The following PCDHGB3 variants were observed in gnomAD, a reference collection of about 807,000 sequenced individuals.
PCDHGB3 encodes the protein protocadherin gamma-B3.
A neutral mutation model predicts 59.2 loss-of-function variants in PCDHGB3; 40 were observed. The ratio of observed to expected loss-of-function variants is 0.68; its 90% CI spans 0.52 to 0.88. The LOEUF (loss-of-function observed/expected upper bound fraction) is 0.88, where lower values mean the gene tolerates loss of function less well. Among genes scored for constraint, PCDHGB3 ranks in the 40% least tolerant of loss-of-function variants. PCDHGB3 has a pLI of 0.00. For synonymous variants in PCDHGB3, 581 were observed against 503.6 expected, an observed-to-expected ratio of 1.15 and a Z score of -2.06; for missense variants, 1,309 against 1,187.9, an observed-to-expected ratio of 1.10 and a Z score of -1.50.
At chr5:141,374,838 C>G (rs772961429) in intron 1 of PCDHGB3, 7 of 1,613,846 alleles carry the variant, frequency 4.3e-6, no homozygotes, top group Non-Finnish European at 5.9e-6. Context: ...GTAAGTGTTC[C>G]TGAAAACCTG....
At chr5:141,376,251 G>T in intron 1 of PCDHGB3, 1 of 1,614,228 alleles carries the variant, frequency 6.2e-7, no homozygotes, top group Non-Finnish European at 8.5e-7. Context: ...CACAAGTCAC[G>T]CCTGCTGCAG....
intron 1 of PCDHGB3, among the ~76,000 whole-genome samples, chr5:141,492,782 C>T (rs2099743868): frequency 6.6e-6 from 1 of 152,258 alleles, no homozygotes; most frequent in Non-Finnish European, 1.5e-5. Context: ...GAGTGAGCCT[C>T]TATAGGACAG....
At chr5:141,386,334 G>A (rs1220929803) in intron 1 of PCDHGB3, among the ~76,000 whole-genome samples, 1 of 152,008 alleles carries the variant, frequency 6.6e-6, no homozygotes, top group Non-Finnish European at 1.5e-5. Context: ...ATCCAGAAGG[G>A]GTGGATGACA....
chr5:141,473,299 G>T (rs182316672), intron 1 of PCDHGB3, among the ~76,000 whole-genome samples: 5 of 152,228 alleles, frequency 3.3e-5, no homozygotes, highest in Admixed American at 1.3e-4. Flanking sequence ...GTAGCATAAA[G>T]ATTGCTATAT....
At position 141,403,421 on chromosome 5, in the gene PCDHGB3, G is replaced by A. The variant is rs773369451; in HGVS notation, c.2415+30612G>A. ...TGGAGCACGTTATCCACTTCCAGAA[G>A]CTATTGATCCGGATGTTGGCGTGAA... On this transcript the variant is annotated intron_variant, in intron 1 of 3. Coordinates refer to ENST00000576222, the MANE Select transcript of PCDHGB3 (RefSeq NM_018924.5). 11 of 1,614,038 alleles carry A rather than the reference G, an allele frequency of 6.8e-6. No individual in the cohort carries two copies. In the East Asian group the frequency reaches 2.5e-4, roughly 36 times the overall value.
rs772203261 is a variant in PCDHGB3 at position 141,372,469 on chromosome 5, T to C, written c.2075T>C (p.Leu692Pro). 1 of 1,614,020 alleles carries C rather than the reference T, an allele frequency of 6.2e-7. No homozygotes were observed. Among genetic ancestry groups the C allele is most frequent in the Non-Finnish European group, 8.5e-7 (1 of 1,179,894 alleles). The change falls in exon 1 of 4, where the codon CTA becomes CCA. Residue 692 changes from leucine (L) to proline (P), a missense_variant. Transcript: ENST00000576222. Reference protein sequence around the residue: ...SDPQAELQFHLVVALALISVL... With the variant: ...SDPQAELQFHPVVALALISVL... ...CCTCAGGCGGAGCTACAGTTTCACC[T>C]AGTAGTGGCGTTGGCCTTGATCTCA... is the stretch of plus-strand genomic sequence containing the variant.
chr5:141,490,736 A>G lies in PCDHGB3; in HGVS notation c.2416-4071A>G, dbSNP rs747567176. The G allele has an allele frequency of 5.0e-6, 8 of 1,614,084 alleles. No individual in the cohort carries two copies. Among genetic ancestry groups the G allele is most frequent in the Non-Finnish European group, 6.8e-6 (8 of 1,180,034 alleles). On this transcript the variant is annotated intron_variant, in intron 1 of 3. Transcript: ENST00000576222. This position sits in a 1 kb window ranked among gnomAD's most constrained non-coding sequence, Gnocchi z 5.4. The stretch of plus-strand genomic sequence containing the variant: ...TACTCCATTGTAGGAAATCAGGTTC[A>G]GGGAGCCCCAGCCTCCTCCTTTGTG...
chr5:141,465,950 A>G (rs570810183), intron 1 of PCDHGB3, among the ~76,000 whole-genome samples: 2 of 152,102 alleles, frequency 1.3e-5, no homozygotes, highest in African/African-American at 4.8e-5. Flanking sequence ...GTGAAACCCC[A>G]TCTCTACTAA....
chr5:141,421,834 C>A, intron 1 of PCDHGB3: 2 of 1,613,748 alleles, frequency 1.2e-6, no homozygotes. Flanking sequence ...AAGCCTGGAC[C>A]GAGAGAAAGA....
chr5:141,497,740 C>T (rs954595046), intron 2 of PCDHGB3, among the ~76,000 whole-genome samples: 1 of 152,054 alleles, frequency 6.6e-6, no homozygotes, highest in South Asian at 2.1e-4. Context: ...GGTTTCGCCA[C>T]GTTGGCCAGG....
At chr5:141,450,006 CTTTTTT>C (rs1554136305) in intron 1 of PCDHGB3, among the ~76,000 whole-genome samples, 7,115 of 132,964 alleles carry the variant, frequency 0.054, 434 homozygotes, top group African/African-American at 0.14. Flanking sequence ...TGCCATGTCT[CTTTTTT>C]TTTTTTTTTT....
chr5:141,457,806 G>A (rs1321207711), intron 1 of PCDHGB3, among the ~76,000 whole-genome samples: 1 of 152,150 alleles, frequency 6.6e-6, no homozygotes, highest in Non-Finnish European at 1.5e-5. Context: ...CTCCTCTTGA[G>A]GTCCCAAGAT....
Position 141,476,562 on chromosome 5 carries a change from C to G in PCDHGB3, c.2416-18245C>G. 1 of 1,614,218 alleles carries G rather than the reference C, an allele frequency of 6.2e-7. No individual in the cohort carries two copies. The highest frequency in any genetic ancestry group is 1.1e-5 in the South Asian group (1 of 91,088). On this transcript the variant is annotated intron_variant, in intron 1 of 3. Transcript: ENST00000576222. This position sits in a 1 kb window ranked among gnomAD's most constrained non-coding sequence, Gnocchi z 7.6. The stretch of plus-strand genomic sequence containing the variant: ...AAATTGGAGATTAGCGAGGCCGTGG[C>G]TCCGGGGACGCGCTTTCCGCTCGAG...
intron 1 of PCDHGB3, among the ~76,000 whole-genome samples, chr5:141,449,061 A>G (rs1280366583): frequency 1.3e-5 from 2 of 152,190 alleles, no homozygotes; most frequent in Non-Finnish European, 2.9e-5. Context: ...AATGAGCGCT[A>G]TTGAATAGCC....
At position 141,375,585 on chromosome 5, in the gene PCDHGB3, T is replaced by A. The variant is rs765334095; in HGVS notation, c.2415+2776T>A. 3.1e-6 allele frequency: 5 copies of A among 1,614,014 alleles called. No individual in the cohort carries two copies. The African/African-American group carries it at 6.7e-5, about 22-fold the overall frequency. ...GAAGACACCCTCCAGGGGGCGCCCC[T>A]GTCCTCCTACGTGTCCATCAACTCC... On this transcript the variant is annotated intron_variant, in intron 1 of 3. Transcript: ENST00000576222.
intron 1 of PCDHGB3, chr5:141,479,646 A>G (rs2099501987): frequency 6.6e-6 from 1 of 152,256 alleles, no homozygotes; most frequent in Admixed American, 6.5e-5. Context: ...CAACAACAAC[A>G]ACAACAATCC....
At chr5:141,423,294 C>T (rs1222440954) in intron 1 of PCDHGB3, 22 of 1,614,036 alleles carry the variant, frequency 1.4e-5, no homozygotes, top group Admixed American at 1.3e-4. Flanking sequence ...AAACCTCAGA[C>T]CTCTCGCTGT....
intron 1 of PCDHGB3, among the ~76,000 whole-genome samples, chr5:141,480,866 G>A (rs1329444129): frequency 6.6e-6 from 1 of 152,142 alleles, no homozygotes; most frequent in Non-Finnish European, 1.5e-5. Flanking sequence ...CCAATATGGT[G>A]AAACCCCGTC....
chr5:141,450,110 G>C (rs2098669636), intron 1 of PCDHGB3, among the ~76,000 whole-genome samples: 1 of 147,716 alleles, frequency 6.8e-6, no homozygotes. Context: ...AGGTTCAAAT[G>C]ATTCTCCTGC....
Sources: allele counts gnomAD v4.1 joint callset (sites outside exome capture counted in the v4.1 genomes callset), GRCh38; gene constraint gnomAD v4.1.1; non-coding constraint Gnocchi (gnomAD v3.1); transcripts MANE v1.5; gene names NCBI Gene and HGNC (gene_info 2026-07-23, HGNC 2026-07-21).